The following FUT9 variants were observed in gnomAD, a reference collection of about 807,000 sequenced individuals.
FUT9 encodes the protein fucosyltransferase 9, also known as 4-galactosyl-N-acetylglucosaminide 3-alpha-L-fucosyltransferase 9.
In FUT9, 15 loss-of-function variants were observed where a neutral mutation model predicts 29.7. That is an observed-to-expected ratio of 0.51 (90% CI 0.34 to 0.78). The LOEUF is 0.78. Ranked by LOEUF, FUT9 falls within the 30% of genes least tolerant of loss-of-function variation. FUT9 has a pLI of 0.01. For synonymous variants in FUT9, 169 were observed against 153.7 expected (o/e 1.10, Z -0.74); for missense variants, 319 against 425.4 (o/e 0.75, Z 2.20).
intron 2 of FUT9, among the ~76,000 whole-genome samples, chr6:96,154,138 C>G (rs1020596392): frequency 1.3e-5 from 2 of 152,174 alleles, no homozygotes; most frequent in Non-Finnish European, 2.9e-5. Context: ...GTTTATATTA[C>G]TCTTTAAATC....
chr6:96,169,377 T>C (rs937582866), intron 2 of FUT9, among the ~76,000 whole-genome samples: 1 of 152,182 alleles, frequency 6.6e-6, no homozygotes, highest in Non-Finnish European at 1.5e-5. Context: ...ATCTTGCAAA[T>C]AAAGAACTCA....
chr6:96,081,270 CAT>C (rs1183277343), intron 1 of FUT9, among the ~76,000 whole-genome samples: 1 of 150,566 alleles, frequency 6.6e-6, no homozygotes, highest in African/African-American at 2.5e-5. Context: ...CAATGATTCA[CAT>C]GTTCTTCATT....
At chr6:96,180,757 T>C (rs1429639236) in intron 2 of FUT9, among the ~76,000 whole-genome samples, 1 of 152,042 alleles carries the variant, frequency 6.6e-6, no homozygotes, top group Non-Finnish European at 1.5e-5. Flanking sequence ...CTTAATGTCT[T>C]CCAAGCTCAG....
chr6:96,140,050 C>T (rs981264279), intron 2 of FUT9, among the ~76,000 whole-genome samples: 3 of 152,156 alleles, frequency 2.0e-5, no homozygotes, highest in Admixed American at 6.5e-5. Flanking sequence ...ACTCTACTTC[C>T]TCTTGCATGC....
At chr6:96,041,360 A>G (rs1288105350) in intron 1 of FUT9, among the ~76,000 whole-genome samples, 1 of 152,206 alleles carries the variant, frequency 6.6e-6, no homozygotes, top group African/African-American at 2.4e-5. Context: ...TACATGATTT[A>G]TAACTTACAT....
At chr6:96,028,452 T>G (rs1215764522) in intron 1 of FUT9, among the ~76,000 whole-genome samples, 1 of 151,664 alleles carries the variant, frequency 6.6e-6, no homozygotes, top group Non-Finnish European at 1.5e-5. Context: ...ACTATTTAGC[T>G]GAGAGATTAA....
chr6:96,204,884 T>G lies in FUT9; in HGVS notation c.*649T>G, dbSNP rs1487860213. 1 of 164,958 alleles carries G rather than the reference T, an allele frequency of 6.1e-6. No individual in the cohort carries two copies. Among genetic ancestry groups the G allele is most frequent in the Non-Finnish European group, 1.5e-5 (1 of 68,084 alleles). The allele number at this position is 164,958 out of a possible 1,614,324, so 10.2% of individuals were successfully genotyped here. A position where few individuals can be genotyped will look rare whatever the true frequency, so the allele number is the denominator to read the frequency against. On this transcript the variant is annotated 3_prime_UTR_variant, in exon 3 of 3. Coordinates refer to ENST00000302103, the MANE Select transcript of FUT9 (RefSeq NM_006581.4). Reference sequence around the variant, plus strand: ...CATTAAGCTGATTTGCAGCTACTTATTCTCATGGTCTTAAATTAAATTATT... The same window carrying G: ...CATTAAGCTGATTTGCAGCTACTTAGTCTCATGGTCTTAAATTAAATTATT...
intron 2 of FUT9, among the ~76,000 whole-genome samples, chr6:96,172,561 G>A (rs529312356): frequency 3.3e-5 from 5 of 151,826 alleles, no homozygotes; most frequent in Non-Finnish European, 7.4e-5. Context: ...AGGAAATTAG[G>A]GTCTTAGTAG....
rs561721278 is a variant in FUT9 at position 96,184,643 on chromosome 6, A to T, written c.-8-18505A>T. Among the ~76,000 whole-genome samples, 58 of 152,134 alleles carry T rather than the reference A, an allele frequency of 3.8e-4. No individual in the cohort carries two copies. The South Asian group carries it at 0.012, about 30-fold the overall frequency. Reference sequence around the variant, plus strand: ...TTGCTGTATCCCAGAGGTTTTTGATACATTGTGTCACTATTGTCGTTCAGT... The same window carrying T: ...TTGCTGTATCCCAGAGGTTTTTGATTCATTGTGTCACTATTGTCGTTCAGT... On this transcript the variant is annotated intron_variant, in intron 2 of 2. Transcript: ENST00000302103.
rs1773947719 is a variant in FUT9, at chr6:96,212,073, A to G, written c.*7838A>G. On this transcript the variant is annotated 3_prime_UTR_variant, in exon 3 of 3. Coordinates refer to ENST00000302103, the MANE Select transcript of FUT9 (RefSeq NM_006581.4). ...ACATGGCTGCATTCCATTTTGATTA[A>G]TGAGGGTTCAGGAAATAGAAAGGCA... is the stretch of plus-strand genomic sequence containing the variant. The G allele has an allele frequency of 2.4e-6, 1 of 412,526 alleles. No individual in the cohort carries two copies. The allele number at this position is 412,526 out of a possible 1,614,324, so 25.6% of individuals were successfully genotyped here.
chr6:96,153,544 G>C (rs1055301311), intron 2 of FUT9, among the ~76,000 whole-genome samples: 4 of 152,154 alleles, frequency 2.6e-5, no homozygotes, highest in African/African-American at 9.7e-5. Context: ...ATCAGAGTCA[G>C]ACTGATTTTG....
intron 2 of FUT9, among the ~76,000 whole-genome samples, chr6:96,131,105 A>C (rs1250878831): frequency 6.6e-6 from 1 of 152,088 alleles, no homozygotes; most frequent in African/African-American, 2.4e-5. Context: ...CTAAATAAGT[A>C]CTGCTAGCAT....
Position 96,085,898 on chromosome 6 carries a change from C to T in FUT9, c.-97-28141C>T, listed in dbSNP as rs141140017. On this transcript the variant is annotated intron_variant, in intron 1 of 2. Transcript: ENST00000302103. The stretch of plus-strand genomic sequence containing the variant: ...AATGGATACCCAGCTTTCCAACTGA[C>T]ACAAACAACATTGTTATGTTTATTG... Among the ~76,000 whole-genome samples, 136 of 152,272 alleles carry T rather than the reference C, an allele frequency of 8.9e-4. 1 individual carries two copies. The highest frequency in any genetic ancestry group is 3.2e-3 in the African/African-American group (131 of 41,554).
At chr6:96,085,384 G>C (rs1771299231) in intron 1 of FUT9, among the ~76,000 whole-genome samples, 1 of 152,178 alleles carries the variant, frequency 6.6e-6, no homozygotes, top group South Asian at 2.1e-4. Flanking sequence ...CTTGCATGGT[G>C]AAAGAGACTA....
At chr6:96,183,949 TG>T (rs1773357137) in intron 2 of FUT9, among the ~76,000 whole-genome samples, 1 of 152,126 alleles carries the variant, frequency 6.6e-6, no homozygotes, top group Admixed American at 6.6e-5. Context: ...AGGGTGATAC[TG>T]GCTTCATAGA....
chr6:96,195,808 C>T (rs2127989760), intron 2 of FUT9, among the ~76,000 whole-genome samples: 1 of 152,174 alleles, frequency 6.6e-6, no homozygotes, highest in East Asian at 1.9e-4. Context: ...AAATTATAAG[C>T]ATTCATGTAG....
chr6:96,188,680 T>C (rs1562157825), intron 2 of FUT9, among the ~76,000 whole-genome samples: 2 of 145,228 alleles, frequency 1.4e-5, no homozygotes, highest in South Asian at 4.5e-4. Context: ...CATGCACATA[T>C]ATTTTTCATT....
At chr6:96,102,014 G>A (rs1236973715) in intron 1 of FUT9, among the ~76,000 whole-genome samples, 1 of 152,034 alleles carries the variant, frequency 6.6e-6, no homozygotes, top group Non-Finnish European at 1.5e-5. Context: ...ATGCACGTGT[G>A]TGTAAAAATA....
At chr6:96,097,308 C>T (rs1771517386) in intron 1 of FUT9, among the ~76,000 whole-genome samples, 1 of 152,170 alleles carries the variant, frequency 6.6e-6, no homozygotes, top group South Asian at 2.1e-4. Context: ...GCCAGCTCCC[C>T]AAGCTCAGAA....
Sources: gnomAD v4.1 joint callset for allele counts (sites outside exome capture counted in the v4.1 genomes callset) on GRCh38, gnomAD v4.1.1 for gene constraint, MANE v1.5 for transcripts, NCBI Gene and HGNC (gene_info 2026-07-23, HGNC 2026-07-21) for gene names.